The following NGF variants were observed in gnomAD, a reference collection of about 807,000 sequenced individuals.
The protein encoded by NGF is nerve growth factor.
Under a neutral mutation model 12.8 loss-of-function variants are expected in NGF, and 4 were observed. That is an observed-to-expected ratio of 0.31 (90% CI 0.15 to 0.72). The LOEUF (loss-of-function observed/expected upper bound fraction) is 0.72, where lower values mean the gene tolerates loss of function less well. Ranked by LOEUF, NGF falls within the 30% of genes least tolerant of loss-of-function variation. The probability of loss-of-function intolerance (pLI) is 0.69; values close to 1 mark genes in which losing one functional copy is unlikely to be tolerated. For missense variants in NGF, 283 were observed against 330.8 expected (o/e 0.86, Z 1.12); for synonymous variants, 140 against 130.0 (o/e 1.08, Z -0.52).
chr1:115,323,944 C>T (rs1311752096), intron 1 of NGF, among the ~76,000 whole-genome samples: 1 of 152,174 alleles, frequency 6.6e-6, no homozygotes, highest in Non-Finnish European at 1.5e-5. Context: ...GCATCCCTCT[C>T]CTGTGGGAGA....
intron 1 of NGF, among the ~76,000 whole-genome samples, chr1:115,337,267 G>GTTTGTTTTTTTTTTGTTTTTTTTTTTT: frequency 1.2e-5 from 1 of 81,030 alleles, no homozygotes. Flanking sequence ...TTTTGTTTTT[G>GTTTGTTTTTTTTTTGTTTTTTTTTTTT]TTTTTTTTTT....
intron 1 of NGF, among the ~76,000 whole-genome samples, chr1:115,300,974 A>G (rs907789070): frequency 6.6e-6 from 1 of 152,212 alleles, no homozygotes; most frequent in Non-Finnish European, 1.5e-5. Context: ...GCTTATGTTA[A>G]GGAGTTTCAT....
chr1:115,330,907 G>A (rs1402206929), intron 1 of NGF, among the ~76,000 whole-genome samples: 1 of 152,064 alleles, frequency 6.6e-6, no homozygotes, highest in African/African-American at 2.4e-5. Flanking sequence ...TTTCTGCTGT[G>A]GCCCAGGTCA....
chr1:115,338,126 C>T (rs1196036051), intron 1 of NGF, 78 bp downstream of exon 1: 1 of 152,662 alleles, frequency 6.6e-6, no homozygotes. Flanking sequence ...CTTGCAAACT[C>T]TCCCGCGAAG....
Position 115,296,890 on chromosome 1 carries a change from G to C in NGF, c.-136-3140C>G, listed in dbSNP as rs144790809. Among the ~76,000 whole-genome samples, 490 of 152,262 alleles carry C rather than the reference G, an allele frequency of 3.2e-3. 4 individuals carry two copies. Among genetic ancestry groups the C allele is most frequent in the African/African-American group, 0.011 (462 of 41,540 alleles). On this transcript the variant is annotated intron_variant, in intron 1 of 2. Transcript: ENST00000369512. ...AATGCATATCTATTTTTAAAACCCTGTCTGTTTTCATAGGGTAATCACTTA... is the reference window on the plus strand; with the variant it reads ...AATGCATATCTATTTTTAAAACCCTCTCTGTTTTCATAGGGTAATCACTTA...
intron 1 of NGF, among the ~76,000 whole-genome samples, chr1:115,300,743 T>G (rs1222763132): frequency 6.6e-6 from 1 of 152,248 alleles, no homozygotes; most frequent in Non-Finnish European, 1.5e-5. Context: ...ATGCAAATCC[T>G]AGGTAACCTG....
intron 1 of NGF, among the ~76,000 whole-genome samples, chr1:115,318,104 T>C (rs1443063871): frequency 1.3e-5 from 2 of 152,154 alleles, no homozygotes; most frequent in African/African-American, 4.8e-5. Flanking sequence ...CTCCCTTCCA[T>C]GGCCTGCAGG....
chr1:115,289,515 G>T (rs2179926), intron 2 of NGF, among the ~76,000 whole-genome samples: 144,102 of 152,234 alleles, frequency 0.95, 68,295 homozygotes, highest in East Asian at 1. Flanking sequence ...CCTGGATCTC[G>T]AATCAACTAG....
At chr1:115,330,564 G>T (rs1654890391) in intron 1 of NGF, among the ~76,000 whole-genome samples, 1 of 152,166 alleles carries the variant, frequency 6.6e-6, no homozygotes, top group African/African-American at 2.4e-5. Flanking sequence ...TTGCTTTTCA[G>T]AGGAGCATGT....
rs1655012024 is a variant in NGF at position 115,333,709 on chromosome 1, CTTT to C, written c.-137+4492_-137+4494del. Among the ~76,000 whole-genome samples, 23 of 57,116 alleles carry C rather than the reference CTTT, an allele frequency of 4.0e-4. 2 individuals are homozygous for C. Among genetic ancestry groups the C allele is most frequent in the South Asian group, 3.4e-3 (6 of 1,790 alleles). 37.5% of individuals were successfully genotyped at this position (57,116 alleles called of 152,430 possible). Reference sequence around the variant, plus strand: ...TCTTTCTTTCTTTCTTTCTTTCTTTCTTTCTTTTCTTTCTTTCCTTCTTTCTTT... The same window carrying C: ...TCTTTCTTTCTTTCTTTCTTTCTTTCCTTTTCTTTCTTTCCTTCTTTCTTT... On this transcript the variant is annotated intron_variant, in intron 1 of 2. Transcript: ENST00000369512.
intron 1 of NGF, among the ~76,000 whole-genome samples, chr1:115,296,143 G>T (rs1429008653): frequency 2.0e-5 from 3 of 152,142 alleles, no homozygotes; most frequent in African/African-American, 7.2e-5. Context: ...AGCTCATTAG[G>T]GAAGAAGGGA....
chr1:115,293,214 G>A (rs979555809), intron 2 of NGF, among the ~76,000 whole-genome samples: 1 of 152,106 alleles, frequency 6.6e-6, no homozygotes, highest in Non-Finnish European at 1.5e-5. Flanking sequence ...CCTCCTGTGT[G>A]CAGATTTGGA....
chr1:115,290,581 AG>A (rs923598682), intron 2 of NGF, among the ~76,000 whole-genome samples: 3 of 151,562 alleles, frequency 2.0e-5, no homozygotes, highest in Admixed American at 2.0e-4. Context: ...TTTTTTGCAG[AG>A]GCGGGGTTTC....
intron 2 of NGF, 98 bp from the exon 3 acceptor site, chr1:115,286,905 C>G: frequency 6.9e-7 from 1 of 1,447,642 alleles, no homozygotes; most frequent in Non-Finnish European, 9.6e-7. Context: ...AAGGGGATCA[C>G]GAAGAGGTTT....
chr1:115,322,327 G>A (rs1044255012), intron 1 of NGF, among the ~76,000 whole-genome samples: 2 of 152,144 alleles, frequency 1.3e-5, no homozygotes, highest in African/African-American at 2.4e-5. Context: ...ACAGCCAGGT[G>A]GGACCAACTC....
chr1:115,333,470 G>C (rs2101057341), intron 1 of NGF, among the ~76,000 whole-genome samples: 1 of 132,600 alleles, frequency 7.5e-6, no homozygotes, highest in African/African-American at 3.0e-5. Flanking sequence ...GGGAAATCCT[G>C]ACTGTCTGAC....
At position 115,286,269 on chromosome 1, in the gene NGF, T is replaced by G. The variant is rs2101018564; in HGVS notation, c.527A>C (p.Glu176Ala). 6.2e-7 allele frequency: 1 copy of G among 1,614,172 alleles called. No homozygotes were observed. Among genetic ancestry groups the G allele is most frequent in the East Asian group, 2.2e-5 (1 of 44,864 alleles). Residue 176 changes from glutamate to alanine, a missense_variant, in exon 3 of 3, where the codon GAG becomes GCG. Glu to Ala is a moderately radical substitution (Grantham distance 107, BLOSUM62 -1). This residue lies in a region of NGF where 132 missense variants were observed against 189.2 expected (regional missense o/e 0.70). Coordinates refer to ENST00000369512, the MANE Select transcript of NGF (RefSeq NM_002506.3). The part of the protein sequence containing the change: ...NNSVFKQYFF[E>A]TKCRDPNPVD... ...GGGATTTGGGTCCCGGCACTTGGTC[T>G]CAAAAAAGTACTGTTTGAATACACT...
intron 1 of NGF, among the ~76,000 whole-genome samples, chr1:115,330,730 TCACTC>T (rs66486371): frequency 0.58 from 87,204 of 151,616 alleles, 28,104 homozygotes; most frequent in Non-Finnish European, 0.74. Flanking sequence ...CTCGGTGACT[TCACTC>T]CAAGCAATGT....
At chr1:115,294,403 C>T (rs1653800924) in intron 1 of NGF, among the ~76,000 whole-genome samples, 1 of 152,194 alleles carries the variant, frequency 6.6e-6, no homozygotes, top group Non-Finnish European at 1.5e-5. Flanking sequence ...TTCTATTCTC[C>T]TCTCACTTCT....
Sources: allele counts gnomAD v4.1 joint callset (sites outside exome capture counted in the v4.1 genomes callset), GRCh38; gene constraint gnomAD v4.1.1; regional missense constraint gnomAD v4.1.1; transcripts MANE v1.5; gene names NCBI Gene and HGNC (gene_info 2026-07-23, HGNC 2026-07-21).